PEX14: variants seen among roughly 807,000 people sequenced by gnomAD.
PEX14 encodes the protein peroxisomal membrane protein PEX14.
PEX14 carries 15 observed loss-of-function variants against 49.5 expected under a neutral mutation model. The observed-to-expected ratio is 0.30, with a 90% CI of 0.20 to 0.47. The LOEUF (loss-of-function observed/expected upper bound fraction) is 0.47, where lower values mean the gene tolerates loss of function less well. Among genes scored for constraint, PEX14 ranks in the 20% least tolerant of loss-of-function variants. The probability of loss-of-function intolerance (pLI) is 1.00; values close to 1 mark genes in which losing one functional copy is unlikely to be tolerated. For missense variants in PEX14, 398 were observed against 494.8 expected, an observed-to-expected ratio of 0.80 and a Z score of 1.86; for synonymous variants, 210 against 212.7, an observed-to-expected ratio of 0.99 and a Z score of 0.11.
At chr1:10,516,452 G>T (rs185672411) in intron 2 of PEX14, among the ~76,000 whole-genome samples, 226 of 152,330 alleles carry the variant, frequency 1.5e-3, no homozygotes, top group African/African-American at 5.2e-3. Flanking sequence ...TCAGATGGCG[G>T]TGACTGAACC....
At chr1:10,586,573 G>A (rs181108792) in intron 3 of PEX14, among the ~76,000 whole-genome samples, 1 of 147,440 alleles carries the variant, frequency 6.8e-6, no homozygotes, top group African/African-American at 2.5e-5. Flanking sequence ...CTGTGGCTAT[G>A]TGTAACAACA....
At position 10,514,697 on chromosome 1, in the gene PEX14, G is replaced by A. The variant is rs1641942777; in HGVS notation, c.84+19376G>A. ...AAAAGAAAGAAGTTTTTCTGCTTGA[G>A]TTGGAGGTGTTGTCTCTTTGAGATG... On this transcript the variant is annotated intron_variant, in intron 2 of 8. Transcript: ENST00000356607. The surrounding 1 kb of genome is among the most constrained non-coding windows in gnomAD (Gnocchi z 4.4). Among the ~76,000 whole-genome samples the A allele has an allele frequency of 6.6e-6, 1 of 152,178 alleles. No individual in the cohort carries two copies. The highest frequency in any genetic ancestry group is 6.5e-5 in the Admixed American group (1 of 15,278).
chr1:10,496,774 T>A (rs1641573488), intron 2 of PEX14, among the ~76,000 whole-genome samples: 1 of 151,938 alleles, frequency 6.6e-6, no homozygotes, highest in South Asian at 2.1e-4. Flanking sequence ...GGTTGTATTT[T>A]TATTTCTTTC....
At chr1:10,501,152 A>G (rs1191161988) in intron 2 of PEX14, among the ~76,000 whole-genome samples, 1 of 152,162 alleles carries the variant, frequency 6.6e-6, no homozygotes, top group Admixed American at 6.5e-5. Context: ...AAAAGTCTGT[A>G]GTGGTTGATT....
At chr1:10,479,293 C>A (rs1469031212) in intron 1 of PEX14, among the ~76,000 whole-genome samples, 2 of 152,108 alleles carry the variant, frequency 1.3e-5, no homozygotes, top group Non-Finnish European at 2.9e-5. Context: ...GAGAGCATCA[C>A]TTGGGCCTGG....
At chr1:10,500,373 CAAAAAAAAAAAAAAAAA>C (rs750781683) in intron 2 of PEX14, among the ~76,000 whole-genome samples, 30 of 43,678 alleles carry the variant, frequency 6.9e-4, no homozygotes, top group Non-Finnish European at 9.5e-4. Context: ...GATTCTGTCT[CAAAAAAAAAAAAAAAAA>C]AAAAAAAAAA....
intron 2 of PEX14, among the ~76,000 whole-genome samples, chr1:10,505,811 G>T (rs1435057093): frequency 6.6e-6 from 1 of 151,828 alleles, no homozygotes; most frequent in African/African-American, 2.4e-5. Flanking sequence ...TTCCTGAGTA[G>T]CTGGGATCAC....
intron 4 of PEX14, among the ~76,000 whole-genome samples, chr1:10,609,850 A>G (rs1257745705): frequency 2.0e-5 from 3 of 152,136 alleles, no homozygotes; most frequent in Non-Finnish European, 2.9e-5. Context: ...GCACCATTGT[A>G]CTCCAGCCTG....
At chr1:10,609,468 T>C (rs558104366) in intron 4 of PEX14, among the ~76,000 whole-genome samples, 81 of 152,346 alleles carry the variant, frequency 5.3e-4, no homozygotes, top group African/African-American at 1.9e-3. Context: ...AATCACAATA[T>C]AGAAAATTTC....
intron 4 of PEX14, 110 bp downstream of exon 4, chr1:10,599,476 C>A: frequency 7.9e-7 from 1 of 1,262,972 alleles, no homozygotes; most frequent in Non-Finnish European, 1.2e-6. Flanking sequence ...AAACTGGGAG[C>A]AGCAGAAAGC....
chr1:10,604,530 G>C (rs990202702), intron 4 of PEX14, among the ~76,000 whole-genome samples: 1 of 152,104 alleles, frequency 6.6e-6, no homozygotes, highest in Non-Finnish European at 1.5e-5. Context: ...AGGATTGCTT[G>C]AGCCCAGGAG....
At chr1:10,535,536 C>G (rs773533116) in intron 2 of PEX14, among the ~76,000 whole-genome samples, 1 of 152,206 alleles carries the variant, frequency 6.6e-6, no homozygotes, top group African/African-American at 2.4e-5. Context: ...CCAGCCGGGA[C>G]GCCCTCAACA....
At chr1:10,611,223 A>C (rs1641268780) in intron 4 of PEX14, among the ~76,000 whole-genome samples, 1 of 152,092 alleles carries the variant, frequency 6.6e-6, no homozygotes, top group East Asian at 1.9e-4. Context: ...AGATTGCGCC[A>C]CTGCACTCCA....
At chr1:10,506,925 G>A (rs971267820) in intron 2 of PEX14, among the ~76,000 whole-genome samples, 1 of 152,220 alleles carries the variant, frequency 6.6e-6, no homozygotes, top group Admixed American at 6.5e-5. Flanking sequence ...TAGGTTTTCA[G>A]TTAATAGAAA....
intron 3 of PEX14, among the ~76,000 whole-genome samples, chr1:10,541,372 G>C (rs1171064218): frequency 6.6e-6 from 1 of 152,232 alleles, no homozygotes; most frequent in Non-Finnish European, 1.5e-5. Context: ...GGCAAAATGA[G>C]AAGAGTCCAC....
intron 4 of PEX14, among the ~76,000 whole-genome samples, chr1:10,610,382 C>T (rs1641246253): frequency 8.8e-6 from 1 of 113,064 alleles, no homozygotes; most frequent in African/African-American, 2.8e-5. Flanking sequence ...TACACACACA[C>T]ACACACACAC....
chr1:10,541,946 G>A (rs2124493038), intron 3 of PEX14, among the ~76,000 whole-genome samples: 1 of 152,240 alleles, frequency 6.6e-6, no homozygotes. Context: ...TGCGGGGAGG[G>A]AACACTTTCA....
intron 1 of PEX14, among the ~76,000 whole-genome samples, chr1:10,493,750 G>A (rs998665248): frequency 6.6e-5 from 10 of 152,190 alleles, no homozygotes; most frequent in African/African-American, 2.2e-4. Context: ...CAGACTTGAT[G>A]TAATGAGTTA....
At chr1:10,537,647 A>T (rs1638859026) in intron 3 of PEX14, among the ~76,000 whole-genome samples, 1 of 152,128 alleles carries the variant, frequency 6.6e-6, no homozygotes. Context: ...TCTTCCACCG[A>T]CAATGACCAG....
Sources: gnomAD v4.1 joint callset for allele counts (sites outside exome capture counted in the v4.1 genomes callset) on GRCh38, gnomAD v4.1.1 for gene constraint, Gnocchi (gnomAD v3.1) non-coding constraint, MANE v1.5 for transcripts, NCBI Gene and HGNC (gene_info 2026-07-23, HGNC 2026-07-21) for gene names.